RASGRP3: variants seen among roughly 807,000 people sequenced by gnomAD.
RASGRP3 encodes RAS guanyl releasing protein 3.
Under a neutral mutation model 82.7 loss-of-function variants are expected in RASGRP3, and 54 were observed. The ratio of observed to expected loss-of-function variants is 0.65; its 90% CI spans 0.52 to 0.82. The LOEUF (loss-of-function observed/expected upper bound fraction) is 0.82. Ranked by LOEUF, RASGRP3 falls within the 40% of genes least tolerant of loss-of-function variation. RASGRP3 has a pLI of 0.00. For synonymous variants in RASGRP3, 309 were observed against 300.5 expected (o/e 1.03, Z -0.29); for missense variants, 861 against 828.9 (o/e 1.04, Z -0.48).
In RASGRP3 at chr2:33,522,037, C is replaced by G; in HGVS notation, c.451C>G (p.Leu151Val). ...AAAAGCCTGTCTGCTGTTTGACCAT[C>G]TGGAGCCCATTGAATTGGCTGAGCA... is the stretch of plus-strand genomic sequence containing the variant. Reference protein sequence around the residue: ...KGKACLLFDHLEPIELAEHLT... With the variant: ...KGKACLLFDHVEPIELAEHLT... Residue 151 changes from leucine (L) to valine (V), a missense_variant, in exon 7 of 18, where the codon CTG becomes GTG. Transcript: ENST00000403687. 1.2e-6 allele frequency: 2 copies of G among 1,613,906 alleles called. No individual in the cohort carries two copies. The highest frequency in any genetic ancestry group is 8.5e-7 in the Non-Finnish European group (1 of 1,179,834).
intron 1 of RASGRP3, among the ~76,000 whole-genome samples, chr2:33,447,240 A>G (rs1665550975): frequency 2.0e-5 from 3 of 152,312 alleles, no homozygotes; most frequent in Admixed American, 2.0e-4. Context: ...AGGGACCTAC[A>G]AATGAGTTGA....
At chr2:33,557,022 T>C (rs1676057851) in intron 15 of RASGRP3, among the ~76,000 whole-genome samples, 1 of 151,558 alleles carries the variant, frequency 6.6e-6, no homozygotes, top group Non-Finnish European at 1.5e-5. Flanking sequence ...TGAATTGAAA[T>C]AGATTGAATA....
Position 33,539,366 on chromosome 2 carries a change from G to A in RASGRP3, c.1278+156G>A, listed in dbSNP as rs552831855. 7.5e-5 allele frequency: 45 copies of A among 603,860 alleles called. No individual in the cohort carries two copies. The South Asian group carries it at 9.6e-4, about 13-fold the overall frequency. The allele number at this position is 603,860 out of a possible 1,614,324, so 37.4% of individuals were successfully genotyped here. A position where few individuals can be genotyped will look rare whatever the true frequency, so the allele number is the denominator to read the frequency against. ...GGCACTTAGTCCTACCAGGCATTGG[G>A]TCCTGGGGAGAGTCGATCAGAAAGG... On this transcript the variant is annotated intron_variant, in intron 12 of 17. Transcript: ENST00000403687.
intron 1 of RASGRP3, among the ~76,000 whole-genome samples, chr2:33,498,980 C>G (rs1669595178): frequency 6.6e-6 from 1 of 152,194 alleles, no homozygotes; most frequent in Non-Finnish European, 1.5e-5. Flanking sequence ...ATTTTATCCT[C>G]TTTAACAATC....
At position 33,515,160 on chromosome 2, in the gene RASGRP3, A is replaced by C. The variant is rs202227874; in HGVS notation, c.24A>C (p.Lys8Asn). 298 of 1,613,994 alleles carry C rather than the reference A, an allele frequency of 1.8e-4. No homozygotes were observed. The highest frequency in any genetic ancestry group is 2.4e-4 in the Non-Finnish European group (284 of 1,179,860). Residue 8 changes from lysine to asparagine, a missense_variant, in exon 3 of 18, where the codon AAA becomes AAC. Transcript: ENST00000403687. MGSSGLGKAATLDELLCT... is the reference protein window; with the variant it reads MGSSGLGNAATLDELLCT... The stretch of plus-strand genomic sequence containing the variant: ...CCATGGGATCAAGTGGCCTTGGGAA[A>C]GCAGCAACATTAGATGAACTGCTGT...
At chr2:33,490,712 T>C (rs1322650033) in intron 1 of RASGRP3, among the ~76,000 whole-genome samples, 1 of 152,232 alleles carries the variant, frequency 6.6e-6, no homozygotes, top group Non-Finnish European at 1.5e-5. Flanking sequence ...TCTGAGCCAT[T>C]GCCATGGCGC....
In RASGRP3 at chr2:33,549,625, T is replaced by G; in HGVS notation, c.1416T>G (p.Asp472Glu). The change falls in exon 14 of 18, where the codon GAT becomes GAG. Residue 472 changes from aspartate (D) to glutamate (E), a missense_variant. Physicochemically the swap from Asp to Glu is conservative, Grantham distance 45. Coordinates refer to ENST00000403687, the MANE Select transcript of RASGRP3 (RefSeq NM_001139488.2). ...ACAGGGATGGCCTAATTAGTAAAGA[T>G]GAAATGATGGCTTACTTCCTGAGAG... ...DKDQDGLISK[D>E]EMMAYFLRAK... The G allele has an allele frequency of 6.2e-7, 1 of 1,613,212 alleles. No homozygotes were observed. The highest frequency in any genetic ancestry group is 2.2e-5 in the East Asian group (1 of 44,886).
intron 1 of RASGRP3, among the ~76,000 whole-genome samples, chr2:33,477,240 A>G (rs1464504158): frequency 6.6e-6 from 1 of 152,210 alleles, no homozygotes; most frequent in Non-Finnish European, 1.5e-5. Context: ...TGTCTGCAAT[A>G]TAGAAGACTG....
chr2:33,498,273 A>G (rs1226714282), intron 1 of RASGRP3, among the ~76,000 whole-genome samples: 1 of 152,204 alleles, frequency 6.6e-6, no homozygotes, highest in Non-Finnish European at 1.5e-5. Context: ...CACAGACATT[A>G]TTATTATTCT....
chr2:33,457,029 A>G (rs1479507880), intron 2 of RASGRP3, among the ~76,000 whole-genome samples: 1 of 151,598 alleles, frequency 6.6e-6, no homozygotes, highest in Non-Finnish European at 1.5e-5. Flanking sequence ...CAGCCTCCCA[A>G]GTAGCTGAGA....
chr2:33,464,110 A>AATAATTATTATTATT lies in RASGRP3; in HGVS notation c.-261+16169_-261+16170insAATTATTATTATTAT, dbSNP rs1398514920. On this transcript the variant is annotated intron_variant, in intron 2 of 18. Coordinates refer to the RASGRP3 transcript ENST00000402538. ...AATATTCAAACTTAATAATAATAAT[A>AATAATTATTATTATT]ATTATTATTATTATTATTATTATTA... 1.9e-3 allele frequency among the ~76,000 whole-genome samples: 273 copies of AATAATTATTATTATT among 144,250 alleles called. 1 individual carries two copies. Among genetic ancestry groups the AATAATTATTATTATT allele is most frequent in the Middle Eastern group, 0.011 (3 of 280 alleles). 94.6% of individuals were successfully genotyped at this position (144,250 alleles called of 152,430 possible). A position where few individuals can be genotyped will look rare whatever the true frequency, so the allele number is the denominator to read the frequency against.
intron 1 of RASGRP3, among the ~76,000 whole-genome samples, chr2:33,486,714 T>G (rs1668427209): frequency 6.6e-6 from 1 of 152,152 alleles, no homozygotes; most frequent in South Asian, 2.1e-4. Context: ...TTCCCTTGGG[T>G]TGGTGACATT....
chr2:33,459,636 C>T (rs1271172747), intron 2 of RASGRP3, among the ~76,000 whole-genome samples: 1 of 151,972 alleles, frequency 6.6e-6, no homozygotes, highest in Non-Finnish European at 1.5e-5. Flanking sequence ...AGTGACTGGG[C>T]ATTTTTAAGG....
chr2:33,505,224 A>G (rs6705101), intron 1 of RASGRP3, among the ~76,000 whole-genome samples: 15,768 of 151,936 alleles, frequency 0.1, 946 homozygotes, highest in African/African-American at 0.16. Flanking sequence ...GGAACAACAA[A>G]GGAGTAAGGG....
intron 12 of RASGRP3, 39 bp from the exon 13 acceptor site, chr2:33,543,473 C>A: frequency 7.5e-7 from 1 of 1,328,880 alleles, no homozygotes; most frequent in Non-Finnish European, 1.1e-6. Context: ...CAGAGCCTGC[C>A]TTATAGTCAT....
Position 33,502,599 on chromosome 2 carries a change from G to A in RASGRP3, c.-260-9111G>A, listed in dbSNP as rs528958819. ...CGGCTCACTGCTCACTACAACCTCC[G>A]CCTCCCGGGTTCAAGGGATTCTCCT... is the stretch of plus-strand genomic sequence containing the variant. On this transcript the variant is annotated intron_variant, in intron 1 of 17. Coordinates refer to ENST00000403687, the MANE Select transcript of RASGRP3 (RefSeq NM_001139488.2). Among the ~76,000 whole-genome samples the A allele has an allele frequency of 5.4e-5, 8 of 148,894 alleles. No individual in the cohort carries two copies. The East Asian group carries it at 9.9e-4, about 19-fold the overall frequency.
intron 1 of RASGRP3, among the ~76,000 whole-genome samples, chr2:33,443,040 C>T (rs1574214669): frequency 1.3e-5 from 2 of 152,266 alleles, no homozygotes; most frequent in South Asian, 2.1e-4. Flanking sequence ...GTGTGAACGC[C>T]TCCCTGTGCA....
intron 15 of RASGRP3, among the ~76,000 whole-genome samples, chr2:33,557,603 G>C (rs377444864): frequency 1.3e-4 from 20 of 151,908 alleles, no homozygotes; most frequent in Non-Finnish European, 2.4e-4. Flanking sequence ...CCAGCTACTC[G>C]GGAGGCTGAG....
intron 1 of RASGRP3, among the ~76,000 whole-genome samples, chr2:33,506,709 A>C (rs984012441): frequency 6.6e-6 from 1 of 152,194 alleles, no homozygotes; most frequent in South Asian, 2.1e-4. Flanking sequence ...AAGGACAAAA[A>C]ATTTCTTTTA....
Sources: allele counts gnomAD v4.1 joint callset (sites outside exome capture counted in the v4.1 genomes callset), GRCh38; gene constraint gnomAD v4.1.1; transcripts MANE v1.5; gene names NCBI Gene and HGNC (gene_info 2026-07-23, HGNC 2026-07-21).